Variants in TAFA4 observed in about 807,000 individuals in gnomAD.
The protein encoded by TAFA4 is TAFA chemokine like family member 4.
TAFA4 carries 20 observed loss-of-function variants against 21.1 expected under a neutral mutation model. That is an observed-to-expected ratio of 0.95 (90% CI 0.67 to 1.38). TAFA4 has a LOEUF of 1.38. Among genes scored for constraint, TAFA4 ranks in the 40% most tolerant of loss-of-function variants. The probability of loss-of-function intolerance (pLI) is 0.00; values close to 1 mark genes in which losing one functional copy is unlikely to be tolerated. For missense variants in TAFA4, 211 were observed against 180.9 expected (o/e 1.17, Z -0.95); for synonymous variants, 71 against 67.4 (o/e 1.05, Z -0.26).
chr3:68,761,827 G>T (rs753046062), intron 3 of TAFA4, among the ~76,000 whole-genome samples: 1 of 152,196 alleles, frequency 6.6e-6, no homozygotes, highest in African/African-American at 2.4e-5. Flanking sequence ...AGCAGTGGAG[G>T]TAGGAAGAAG....
intron 1 of TAFA4, among the ~76,000 whole-genome samples, chr3:68,905,430 A>C (rs995426725): frequency 3.3e-5 from 5 of 152,042 alleles, no homozygotes; most frequent in Non-Finnish European, 7.4e-5. Context: ...GGCCTCCCAA[A>C]GTATTTGGAT....
At position 68,763,869 on chromosome 3, in the gene TAFA4, T is replaced by TACACACACACACAC. The variant is rs147436920; in HGVS notation, c.131-10865_131-10852dup. On this transcript the variant is annotated intron_variant, in intron 3 of 5. Transcript: ENST00000295569. ...TTGGTCTTTAGTATGTATGACAGAC[T>TACACACACACACAC]ACACACACACACACACACACACACA... Among the ~76,000 whole-genome samples the TACACACACACACAC allele has an allele frequency of 4.8e-3, 700 of 147,340 alleles. 4 individuals carry two copies. The highest frequency in any genetic ancestry group is 8.0e-3 in the African/African-American group (321 of 40,100).
chr3:68,859,718 G>T (rs920906500), intron 3 of TAFA4, among the ~76,000 whole-genome samples: 12 of 152,158 alleles, frequency 7.9e-5, no homozygotes, highest in African/African-American at 2.9e-4. Context: ...CACTAAGGCT[G>T]TGGCCCGGGT....
chr3:68,804,393 C>A (rs1003886677), intron 3 of TAFA4, among the ~76,000 whole-genome samples: 6 of 152,098 alleles, frequency 3.9e-5, no homozygotes, highest in African/African-American at 1.4e-4. Flanking sequence ...TTTATAGATT[C>A]AATGCCATCC....
chr3:68,756,998 C>G (rs1702671506), intron 3 of TAFA4, among the ~76,000 whole-genome samples: 1 of 152,158 alleles, frequency 6.6e-6, no homozygotes, highest in African/African-American at 2.4e-5. Flanking sequence ...CAGCTAATGA[C>G]TAGCCATGAG....
chr3:68,808,965 T>C (rs1703768697), intron 3 of TAFA4, among the ~76,000 whole-genome samples: 1 of 152,196 alleles, frequency 6.6e-6, no homozygotes, highest in Non-Finnish European at 1.5e-5. Context: ...CCACTAACTT[T>C]ACACTTTTGT....
chr3:68,779,817 G>A (rs1377084844), intron 3 of TAFA4, among the ~76,000 whole-genome samples: 1 of 152,182 alleles, frequency 6.6e-6, no homozygotes. Flanking sequence ...CCCACACAGA[G>A]TCTCTACTGG....
chr3:68,926,424 TAAGAA>T (rs1490360488), intron 1 of TAFA4, among the ~76,000 whole-genome samples: 3 of 152,048 alleles, frequency 2.0e-5, no homozygotes, highest in African/African-American at 7.3e-5. Flanking sequence ...TTTTATAAAT[TAAGAA>T]AAGAAATTTT....
At chr3:68,754,098 G>C (rs1702614195) in intron 3 of TAFA4, among the ~76,000 whole-genome samples, 1 of 152,184 alleles carries the variant, frequency 6.6e-6, no homozygotes. Context: ...AGCCATTTGA[G>C]AGTAAATTTC....
chr3:68,920,524 T>C (rs940639381), intron 1 of TAFA4, among the ~76,000 whole-genome samples: 2 of 152,266 alleles, frequency 1.3e-5, no homozygotes, highest in East Asian at 1.9e-4. Context: ...TGAAACATAA[T>C]GTATACTAAA....
intron 3 of TAFA4, among the ~76,000 whole-genome samples, chr3:68,805,847 C>G (rs565880941): frequency 1.3e-5 from 2 of 152,112 alleles, no homozygotes; most frequent in East Asian, 3.9e-4. Flanking sequence ...GGAGATATAC[C>G]TAATGCTAAA....
chr3:68,837,353 C>T (rs1415505557), intron 3 of TAFA4, among the ~76,000 whole-genome samples: 1 of 152,184 alleles, frequency 6.6e-6, no homozygotes, highest in Non-Finnish European at 1.5e-5. Flanking sequence ...CACATATGAT[C>T]TCTGGAAGCC....
intron 1 of TAFA4, among the ~76,000 whole-genome samples, chr3:68,907,733 C>A (rs984893451): frequency 1.3e-5 from 2 of 152,174 alleles, no homozygotes; most frequent in African/African-American, 4.8e-5. Flanking sequence ...AATTAAAGCC[C>A]AGGCTACTCA....
At chr3:68,812,887 ACAC>A (rs369365723) in intron 3 of TAFA4, among the ~76,000 whole-genome samples, 12,730 of 152,146 alleles carry the variant, frequency 0.084, 632 homozygotes, top group African/African-American at 0.13. Context: ...TTTCAGCACC[ACAC>A]CACACCTATT....
At chr3:68,900,893 C>T (rs2089838325) in intron 1 of TAFA4, among the ~76,000 whole-genome samples, 1 of 152,174 alleles carries the variant, frequency 6.6e-6, no homozygotes, top group Non-Finnish European at 1.5e-5. Context: ...ACAACTACTG[C>T]TTTCACTAAG....
intron 1 of TAFA4, among the ~76,000 whole-genome samples, chr3:68,917,108 T>C (rs367569475): frequency 2.2e-4 from 33 of 152,110 alleles, no homozygotes; most frequent in African/African-American, 7.5e-4. Context: ...AACAATTAAA[T>C]AATTGAAAGA....
intron 3 of TAFA4, among the ~76,000 whole-genome samples, chr3:68,874,691 G>A (rs1223083772): frequency 2.6e-5 from 4 of 152,084 alleles, no homozygotes; most frequent in African/African-American, 7.2e-5. Flanking sequence ...AGAGGGAAGG[G>A]TGAAAAAGCC....
chr3:68,902,433 T>C (rs1337233987), intron 1 of TAFA4, among the ~76,000 whole-genome samples: 1 of 152,110 alleles, frequency 6.6e-6, no homozygotes, highest in Non-Finnish European at 1.5e-5. Flanking sequence ...AGTGGCATGA[T>C]CATGGCTCAC....
intron 1 of TAFA4, among the ~76,000 whole-genome samples, chr3:68,900,229 G>A (rs546535055): frequency 1.4e-5 from 2 of 145,778 alleles, no homozygotes; most frequent in African/African-American, 5.0e-5. Flanking sequence ...GTGACAGAGC[G>A]AGACTCTCTC....
Sources: allele counts gnomAD v4.1 joint callset (sites outside exome capture counted in the v4.1 genomes callset), GRCh38; gene constraint gnomAD v4.1.1; transcripts MANE v1.5; gene names NCBI Gene and HGNC (gene_info 2026-07-23, HGNC 2026-07-21).